The following NMUR1 variants were observed in gnomAD, a reference collection of about 807,000 sequenced individuals.
The protein encoded by NMUR1 is neuromedin U receptor 1.
In NMUR1, 16 loss-of-function variants were observed where a neutral mutation model predicts 18.8. The ratio of observed to expected loss-of-function variants is 0.85; its 90% CI spans 0.58 to 1.29. The LOEUF (loss-of-function observed/expected upper bound fraction) is 1.29, where lower values mean the gene tolerates loss of function less well. NMUR1 is among the 50% of genes most tolerant of loss of function. The pLI, the probability that NMUR1 is intolerant of heterozygous loss-of-function variation, is 0.00. For synonymous variants in NMUR1, 258 were observed against 258.2 expected, an observed-to-expected ratio of 1.00 and a Z score of 0.01; for missense variants, 529 against 580.3, an observed-to-expected ratio of 0.91 and a Z score of 0.91.
intron 2 of NMUR1, among the ~76,000 whole-genome samples, chr2:231,526,477 C>T (rs2047357357): frequency 6.6e-6 from 1 of 152,222 alleles, no homozygotes; most frequent in South Asian, 2.1e-4. Context: ...GCACCTACTG[C>T]AGACTCTGCC....
rs754488651 is a variant in NMUR1 at position 231,528,859 on chromosome 2, GGGCCCCA to G, written c.155_161del (p.Leu52ProfsTer16). On this transcript the variant is annotated frameshift_variant, in exon 2 of 3. Transcript: ENST00000305141. LOFTEE classifies it high-confidence loss of function. ...TGGGCATGAACAGCTCTGTCTGCTG[GGGCCCCA>G]GGTACTTGAGTCTCAGTGCCTCGTC... The G allele has an allele frequency of 3.7e-6, 6 of 1,614,182 alleles. No homozygotes were observed. The South Asian group carries it at 6.6e-5, about 18-fold the overall frequency.
chr2:231,526,980 G>C (rs1312255269), intron 2 of NMUR1, among the ~76,000 whole-genome samples: 1 of 152,162 alleles, frequency 6.6e-6, no homozygotes, highest in Non-Finnish European at 1.5e-5. Context: ...CCTTGAGCCC[G>C]GCCTTCACAG....
intron 2 of NMUR1, among the ~76,000 whole-genome samples, chr2:231,525,669 C>T (rs11693642): frequency 0.28 from 42,472 of 152,168 alleles, 6,566 homozygotes; most frequent in East Asian, 0.5. Flanking sequence ...CCACAGCCAA[C>T]TGGACCAGGT....
chr2:231,530,421 C>T lies in NMUR1; in HGVS notation c.-60G>A, dbSNP rs1380936940. ...CTCCGAGCGACGGACACAGACGCGG[C>T]GCGGGAGCCAGTGGACTGACTGACA... On this transcript the variant is annotated 5_prime_UTR_variant, in exon 1 of 3. Transcript: ENST00000305141. 6 of 1,458,644 alleles carry T rather than the reference C, an allele frequency of 4.1e-6. No individual in the cohort carries two copies. Among genetic ancestry groups the T allele is most frequent in the Non-Finnish European group, 1.8e-6 (2 of 1,112,514 alleles). The allele number at this position is 1,458,644 out of a possible 1,614,324, so 90.4% of individuals were successfully genotyped here.
rs1475772914 is a variant in NMUR1, at chr2:231,524,908, T to C, written c.*135A>G. On this transcript the variant is annotated 3_prime_UTR_variant, in exon 3 of 3. Coordinates refer to ENST00000305141, the MANE Select transcript of NMUR1 (RefSeq NM_006056.5). ...CCTGCTGTTTCCCTCTGAGGGAAAC[T>C]GAGGTGCTGGTCAGAATTTCTAGGC... is the stretch of plus-strand genomic sequence containing the variant. The C allele has an allele frequency of 8.5e-7, 1 of 1,182,806 alleles. No homozygotes were observed. The highest frequency in any genetic ancestry group is 1.2e-6 in the Non-Finnish European group (1 of 864,302). The allele number at this position is 1,182,806 out of a possible 1,614,324, so 73.3% of individuals were successfully genotyped here.
At position 231,528,886 on chromosome 2, in the gene NMUR1, C is replaced by T. The variant is rs2047387816; in HGVS notation, c.135G>A (p.Glu45=). The T allele has an allele frequency of 6.2e-7, 1 of 1,614,202 alleles. No individual in the cohort carries two copies. Residue 45 remains glutamate (E), a synonymous_variant, in exon 2 of 3, where the codon GAG becomes GAA. Transcript: ENST00000305141. ...GCCCCAGGTACTTGAGTCTCAGTGC[C>T]TCGTCAGTCAGGTTCAAGTCCTCAG... The part of the protein sequence containing the change: ...FDPEDLNLTD[E]ALRLKYLGPQ...
Position 231,528,325 on chromosome 2 carries a change from C to T in NMUR1, c.696G>A (p.Val232=), listed in dbSNP as rs138714852. Residue 232 remains valine (V), a synonymous_variant, in exon 2 of 3, where the codon GTG becomes GTA. Transcript: ENST00000305141. The part of the protein sequence containing the change: ...VRPRALYNMV[V]QTTALLFFCL... ...AGAAGAAGAGCAGCGCGGTGGTCTG[C>T]ACTACCATGTTGTAGAGGGCCCGTG... The T allele has an allele frequency of 9.0e-4, 1,459 of 1,613,172 alleles. 3 individuals carry two copies. Among genetic ancestry groups the T allele is most frequent in the Middle Eastern group, 1.3e-3 (8 of 6,054 alleles).
chr2:231,527,507 T>C (rs1250995485), intron 2 of NMUR1, among the ~76,000 whole-genome samples: 4 of 151,882 alleles, frequency 2.6e-5, no homozygotes, highest in Non-Finnish European at 4.4e-5. Context: ...CTGGGCATGG[T>C]GGCACCTGCC....
At chr2:231,520,232 T>C (rs544973826), downstream of NMUR1, among the ~76,000 whole-genome samples, 42 of 152,220 alleles carry the variant, frequency 2.8e-4, no homozygotes, top group Non-Finnish European at 4.6e-4. Flanking sequence ...AAAGAACTTA[T>C]TGAAATGCTC....
rs150013725 is a variant in NMUR1 at position 231,529,064 on chromosome 2, G to C, written c.4-47C>G. On this transcript the variant is annotated intron_variant, in intron 1 of 2. Coordinates refer to ENST00000305141, the MANE Select transcript of NMUR1 (RefSeq NM_006056.5). Reference sequence around the variant, plus strand: ...TGCCCAGAAAGATCATTCAGGGAATGCTGGCTCTGTCCTCACTCATCAAGC... The same window carrying C: ...TGCCCAGAAAGATCATTCAGGGAATCCTGGCTCTGTCCTCACTCATCAAGC... 3,088 of 1,529,384 alleles carry C rather than the reference G, an allele frequency of 2.0e-3. 50 individuals carry two copies. The African/African-American group carries it at 0.036, about 18-fold the overall frequency. The allele number at this position is 1,529,384 out of a possible 1,614,324, so 94.7% of individuals were successfully genotyped here.
chr2:231,521,201 C>T (rs147849754), downstream of NMUR1, among the ~76,000 whole-genome samples: 82 of 152,266 alleles, frequency 5.4e-4, 1 homozygote, highest in Admixed American at 1.2e-3. Flanking sequence ...CATGGCGAGA[C>T]GGTGCCTCTA....
In NMUR1 at chr2:231,528,705, C is replaced by T. The variant is rs149976895; in HGVS notation, c.316G>A (p.Asp106Asn). 63 of 1,614,254 alleles carry T rather than the reference C, an allele frequency of 3.9e-5. No homozygotes were observed. The African/African-American group carries it at 6.3e-4, about 16-fold the overall frequency. Reference sequence around the variant, plus strand: ...AGGCCCACCAGCAGCACCAGCAGGTCCGACACGGCCAGGCTGAAGAGGTAG... The same window carrying T: ...AGGCCCACCAGCAGCACCAGCAGGTTCGACACGGCCAGGCTGAAGAGGTAG... The part of the protein sequence containing the change: ...NYYLFSLAVS[D>N]LLVLLVGLPL... Residue 106 changes from aspartate to asparagine, a missense_variant, in exon 2 of 3, where the codon GAC becomes AAC. Coordinates refer to ENST00000305141, the MANE Select transcript of NMUR1 (RefSeq NM_006056.5).
At chr2:231,527,585 G>T (rs2047368441) in intron 2 of NMUR1, among the ~76,000 whole-genome samples, 2 of 149,792 alleles carry the variant, frequency 1.3e-5, no homozygotes, top group Non-Finnish European at 3.0e-5. Flanking sequence ...GGTTGAGGCT[G>T]CAGTGAGCCG....
chr2:231,522,654 T>G (rs1575284470), downstream of NMUR1, among the ~76,000 whole-genome samples: 1 of 109,286 alleles, frequency 9.2e-6, no homozygotes, highest in Non-Finnish European at 1.8e-5. Flanking sequence ...CTGTCCCCAC[T>G]CAGGGCTTGA....
In NMUR1 at chr2:231,528,760, G is replaced by A; in HGVS notation, c.261C>T (p.Arg87=). 2.5e-6 allele frequency: 4 copies of A among 1,614,244 alleles called. No individual in the cohort carries two copies. The highest frequency in any genetic ancestry group is 3.4e-6 in the Non-Finnish European group (4 of 1,180,038). ...TGGTAGGCGTGCGCATGGCCTTGTG[G>A]CGCAGGATGACCAGACAGGTCAGCC... is the stretch of plus-strand genomic sequence containing the variant. ...GNGLTCLVIL[R]HKAMRTPTNY... Residue 87 remains arginine (R), a synonymous_variant, in exon 2 of 3, where the codon CGC becomes CGT. Transcript: ENST00000305141.
At chr2:231,527,777 G>T (rs1480755494) in intron 2 of NMUR1, among the ~76,000 whole-genome samples, 2 of 151,950 alleles carry the variant, frequency 1.3e-5, no homozygotes, top group Admixed American at 1.3e-4. Flanking sequence ...CCCAAGTTTA[G>T]CAGGGTCCTG....
chr2:231,519,539 CCT>C (rs2047290291), downstream of NMUR1, among the ~76,000 whole-genome samples: 1 of 152,216 alleles, frequency 6.6e-6, no homozygotes, highest in African/African-American at 2.4e-5. Context: ...TCAGTGTTTG[CCT>C]CTGAGTCTCA....
At chr2:231,518,475 G>A (rs1470183135), downstream of NMUR1, among the ~76,000 whole-genome samples, 1 of 152,216 alleles carries the variant, frequency 6.6e-6, no homozygotes, top group African/African-American at 2.4e-5. Flanking sequence ...GCCTCCCAAA[G>A]TGCTGGGATT....
chr2:231,520,217 CA>C (rs1245108881), downstream of NMUR1, among the ~76,000 whole-genome samples: 1 of 152,174 alleles, frequency 6.6e-6, no homozygotes, highest in East Asian at 1.9e-4. Flanking sequence ...CCAACTTCAG[CA>C]GAAAAAGAAC....
Sources: gnomAD v4.1 joint callset for allele counts (sites outside exome capture counted in the v4.1 genomes callset) on GRCh38, gnomAD v4.1.1 for gene constraint, MANE v1.5 for transcripts, NCBI Gene and HGNC (gene_info 2026-07-23, HGNC 2026-07-21) for gene names.